The following LSAMP variants were observed in gnomAD, a reference collection of about 807,000 sequenced individuals.
The protein encoded by LSAMP is limbic system-associated membrane protein.
Under a neutral mutation model 38.6 loss-of-function variants are expected in LSAMP, and 7 were observed. That is an observed-to-expected ratio of 0.18 (90% CI 0.10 to 0.34). LSAMP has a LOEUF of 0.34. LSAMP is among the 10% of genes least tolerant of loss of function. LSAMP has a pLI of 1.00. For missense variants in LSAMP, 313 were observed against 420.0 expected (o/e 0.75, Z 2.23); for synonymous variants, 154 against 166.8 (o/e 0.92, Z 0.59).
At chr3:115,935,773 A>C (rs976828362) in intron 3 of LSAMP, among the ~76,000 whole-genome samples, 11 of 152,182 alleles carry the variant, frequency 7.2e-5, no homozygotes, top group Admixed American at 1.3e-4. Flanking sequence ...AATTCCAAGA[A>C]ATAGCAAAAT....
chr3:116,427,109 C>CTTTTTTTTTT (rs758726064), intron 1 of LSAMP, among the ~76,000 whole-genome samples: 1 of 95,396 alleles, frequency 1.0e-5, no homozygotes, highest in Non-Finnish European at 2.1e-5. Context: ...CTCTTTCTTT[C>CTTTTTTTTTT]TTTTTTTTTT....
At chr3:116,432,906 G>T (rs1337874079) in intron 1 of LSAMP, among the ~76,000 whole-genome samples, 1 of 151,932 alleles carries the variant, frequency 6.6e-6, no homozygotes, top group African/African-American at 2.4e-5. Context: ...GAGAGACAAA[G>T]AAAAAAATCC....
At chr3:116,105,170 C>T (rs1292167739) in intron 1 of LSAMP, among the ~76,000 whole-genome samples, 2 of 135,406 alleles carry the variant, frequency 1.5e-5, no homozygotes, top group South Asian at 2.1e-4. Context: ...TTCAGTTTGA[C>T]TAGGGGGAAA....
intron 1 of LSAMP, among the ~76,000 whole-genome samples, chr3:116,111,177 C>G (rs549216844): frequency 1.3e-5 from 2 of 152,172 alleles, no homozygotes; most frequent in Non-Finnish European, 2.9e-5. Flanking sequence ...TGGGCATATA[C>G]GTGCAAGTCA....
At chr3:116,412,518 T>C (rs948229581) in intron 1 of LSAMP, among the ~76,000 whole-genome samples, 1 of 152,088 alleles carries the variant, frequency 6.6e-6, no homozygotes. Flanking sequence ...AATAGGTTTT[T>C]AATGAGAAAA....
At position 116,438,060 on chromosome 3, in the gene LSAMP, C is replaced by CAAAAAAAAA. The variant is rs10637606; in HGVS notation, c.155+6808_155+6816dup. On this transcript the variant is annotated intron_variant, in intron 1 of 6. Transcript: ENST00000490035. ...ATTAAGTTTTAATTACAGGTAACTACAAAAAAAAAAAAAAAAAGTCTACTT... is the reference window on the plus strand; with the variant it reads ...ATTAAGTTTTAATTACAGGTAACTACAAAAAAAAAAAAAAAAAAAAAAAAAAGTCTACTT... 2.4e-5 allele frequency among the ~76,000 whole-genome samples: 3 copies of CAAAAAAAAA among 126,320 alleles called. 1 individual carries two copies. The highest frequency in any genetic ancestry group is 6.1e-5 in the African/African-American group (2 of 33,050). 82.9% of individuals were successfully genotyped at this position (126,320 alleles called of 152,430 possible).
intron 3 of LSAMP, among the ~76,000 whole-genome samples, chr3:115,998,142 C>G (rs1286014883): frequency 6.6e-6 from 1 of 151,432 alleles, no homozygotes; most frequent in Non-Finnish European, 1.5e-5. Flanking sequence ...TTGACAACCA[C>G]TCAACTAGGA....
Position 115,803,386 on chromosome 3 carries a change from A to C in LSAMP, c.*6931T>G, listed in dbSNP as rs945118581. 1.3e-5 allele frequency: 2 copies of C among 152,258 alleles called. No individual in the cohort carries two copies. Among genetic ancestry groups the C allele is most frequent in the African/African-American group, 4.8e-5 (2 of 41,476 alleles). The allele number at this position is 152,258 out of a possible 1,614,324, so 9.4% of individuals were successfully genotyped here. On this transcript the variant is annotated 3_prime_UTR_variant, in exon 7 of 7. Transcript: ENST00000490035. ...TTTCAGACAATAAAATCAAAGGACA[A>C]CTTTGGATAGATGCTAACCTGAGCC...
At chr3:116,380,006 A>G (rs1020999561) in intron 1 of LSAMP, among the ~76,000 whole-genome samples, 1 of 152,044 alleles carries the variant, frequency 6.6e-6, no homozygotes, top group African/African-American at 2.4e-5. Flanking sequence ...CTAGAACACT[A>G]CCATATACTG....
intron 3 of LSAMP, among the ~76,000 whole-genome samples, chr3:115,916,691 T>C (rs1937258543): frequency 6.6e-6 from 1 of 152,230 alleles, no homozygotes; most frequent in African/African-American, 2.4e-5. Flanking sequence ...CAGATGAATG[T>C]AATTTCATTT....
intron 1 of LSAMP, among the ~76,000 whole-genome samples, chr3:116,434,467 G>A (rs1392985038): frequency 6.6e-6 from 1 of 152,292 alleles, no homozygotes; most frequent in East Asian, 1.9e-4. Context: ...CTTAGCTTGG[G>A]ACAATTTAGG....
intron 3 of LSAMP, among the ~76,000 whole-genome samples, chr3:115,861,119 T>C (rs1289958135): frequency 4.4e-5 from 3 of 68,796 alleles, no homozygotes; most frequent in African/African-American, 5.8e-5. Context: ...CCCTCCCTCC[T>C]TCCTTCTTTC....
intron 1 of LSAMP, among the ~76,000 whole-genome samples, chr3:116,223,393 C>T (rs2046311011): frequency 1.3e-5 from 2 of 152,054 alleles, no homozygotes; most frequent in East Asian, 3.8e-4. Context: ...GCAAATGTAG[C>T]TATAATAATC....
chr3:115,944,109 T>G (rs954529617), intron 3 of LSAMP, among the ~76,000 whole-genome samples: 2 of 152,206 alleles, frequency 1.3e-5, no homozygotes, highest in African/African-American at 4.8e-5. Context: ...GATAAATTTC[T>G]GACTGTATAC....
chr3:116,288,647 T>C (rs2047222492), intron 1 of LSAMP, among the ~76,000 whole-genome samples: 1 of 152,226 alleles, frequency 6.6e-6, no homozygotes, highest in Admixed American at 6.5e-5. Context: ...AGTTTCAATT[T>C]GCTAACTTCC....
Position 115,898,598 on chromosome 3 carries a change from C to CATATAT in LSAMP, c.515-45987_515-45982dup, listed in dbSNP as rs10527269. ...TGATTGCCTCATTTGCATGAAGATG[C>CATATAT]ATATATATATATATATATATATATA... On this transcript the variant is annotated intron_variant, in intron 3 of 6. Transcript: ENST00000490035. Among the ~76,000 whole-genome samples the CATATAT allele has an allele frequency of 4.8e-3, 683 of 142,010 alleles. 5 individuals are homozygous for CATATAT. Among genetic ancestry groups the CATATAT allele is most frequent in the Admixed American group, 8.8e-3 (123 of 14,026 alleles). The allele number at this position is 142,010 out of a possible 152,430, so 93.2% of individuals were successfully genotyped here.
At chr3:116,019,953 T>C (rs894798747) in intron 2 of LSAMP, among the ~76,000 whole-genome samples, 1 of 152,196 alleles carries the variant, frequency 6.6e-6, no homozygotes, top group Non-Finnish European at 1.5e-5. Flanking sequence ...TTAGACAGCA[T>C]GCACATTTAT....
At position 116,312,013 on chromosome 3, in the gene LSAMP, A is replaced by G. The variant is rs138331847; in HGVS notation, c.155+132864T>C. On this transcript the variant is annotated intron_variant, in intron 1 of 6. Transcript: ENST00000490035. ...ATTTTCATCTCTGGTGGAGTGGAAAACCATACAGAAAAGGGAAAAGCAATA... is the reference window on the plus strand; with the variant it reads ...ATTTTCATCTCTGGTGGAGTGGAAAGCCATACAGAAAAGGGAAAAGCAATA... Among the ~76,000 whole-genome samples the G allele has an allele frequency of 4.7e-3, 722 of 152,276 alleles. 4 individuals are homozygous for G. Among genetic ancestry groups the G allele is most frequent in the African/African-American group, 0.016 (684 of 41,544 alleles).
intron 6 of LSAMP, among the ~76,000 whole-genome samples, chr3:115,818,541 G>A (rs994636072): frequency 2.0e-5 from 3 of 151,520 alleles, no homozygotes; most frequent in African/African-American, 7.3e-5. Flanking sequence ...TTATAAATTT[G>A]TGCTATGAAT....
Sources: allele counts gnomAD v4.1 joint callset (sites outside exome capture counted in the v4.1 genomes callset), GRCh38; gene constraint gnomAD v4.1.1; transcripts MANE v1.5; gene names NCBI Gene and HGNC (gene_info 2026-07-23, HGNC 2026-07-21).